Variants in GPR161 observed in about 807,000 individuals in gnomAD.
The protein encoded by GPR161 is G-protein coupled receptor RE2.
GPR161 carries 25 observed loss-of-function variants against 39.2 expected under a neutral mutation model. The ratio of observed to expected loss-of-function variants is 0.64; its 90% CI spans 0.47 to 0.89. The LOEUF (loss-of-function observed/expected upper bound fraction) is 0.89. Among genes scored for constraint, GPR161 ranks in the 40% least tolerant of loss-of-function variants. GPR161 has a pLI of 0.00. For synonymous variants in GPR161, 286 were observed against 276.6 expected, an observed-to-expected ratio of 1.03 and a Z score of -0.34; for missense variants, 547 against 677.8, an observed-to-expected ratio of 0.81 and a Z score of 2.14.
chr1:168,090,442 CA>C, intron 4 of GPR161, 121 bp downstream of exon 4: 42 of 564,708 alleles, frequency 7.4e-5, no homozygotes, highest in Middle Eastern at 2.8e-4. Context: ...TCTCACCCCC[CA>C]CCCACCGTGG....
At chr1:168,093,345 C>G (rs1695240097) in intron 3 of GPR161, among the ~76,000 whole-genome samples, 1 of 152,146 alleles carries the variant, frequency 6.6e-6, no homozygotes, top group African/African-American at 2.4e-5. Context: ...TACTTCCTCA[C>G]TTTGGGACAA....
chr1:168,086,975 C>A (rs1405310150), intron 5 of GPR161, among the ~76,000 whole-genome samples: 1 of 152,168 alleles, frequency 6.6e-6, no homozygotes, highest in African/African-American at 2.4e-5. Flanking sequence ...AATCCACAGC[C>A]CAGTCATATT....
At chr1:168,125,546 C>A (rs1698521704) in intron 1 of GPR161, among the ~76,000 whole-genome samples, 1 of 152,058 alleles carries the variant, frequency 6.6e-6, no homozygotes, top group African/African-American at 2.4e-5. Context: ...TTTGAAGAGA[C>A]CGTAGGTGTC....
At chr1:168,135,066 C>A in intron 1 of GPR161, 1 of 1,484,576 alleles carries the variant, frequency 6.7e-7, no homozygotes, top group Non-Finnish European at 9.0e-7. Context: ...GTTCGGATAT[C>A]GTTGCGGCCT....
At position 168,104,526 on chromosome 1, in the gene GPR161, G is replaced by A; in HGVS notation, c.325C>T (p.Leu109=). 1 of 1,614,116 alleles carries A rather than the reference G, an allele frequency of 6.2e-7. No homozygotes were observed. The highest frequency in any genetic ancestry group is 8.5e-7 in the Non-Finnish European group (1 of 1,179,970). The change falls in exon 2 of 6, where the codon CTG becomes TTG. Residue 109 remains leucine, a synonymous_variant. Coordinates refer to ENST00000682931, the MANE Select transcript of GPR161 (RefSeq NM_001375883.1). ...GTTAGCATGCTGGCAGAGCTGATCA[G>A]CAGGTAGAGGAGGGCAGAGAAGTTG... ...WCNFSALLYL[L]ISSASMLTLG...
At chr1:168,121,435 G>A (rs538782353) in intron 1 of GPR161, among the ~76,000 whole-genome samples, 309 of 152,208 alleles carry the variant, frequency 2.0e-3, no homozygotes, top group Admixed American at 4.4e-3. Flanking sequence ...TTTTTAAAAG[G>A]GCAGCTGGCC....
At chr1:168,124,402 C>T (rs142699736) in intron 1 of GPR161, among the ~76,000 whole-genome samples, 124 of 152,266 alleles carry the variant, frequency 8.1e-4, no homozygotes, top group Admixed American at 2.5e-3. Flanking sequence ...AAGCAAAATT[C>T]ATGAAAATCT....
chr1:168,115,516 A>C (rs957392896), intron 1 of GPR161, among the ~76,000 whole-genome samples: 3 of 152,090 alleles, frequency 2.0e-5, no homozygotes, highest in Non-Finnish European at 4.4e-5. Flanking sequence ...CTTCACCCCC[A>C]GAGTGTGCCC....
Position 168,104,690 on chromosome 1 carries a change from T to C in GPR161, c.161A>G (p.Lys54Arg). 1 of 1,613,908 alleles carries C rather than the reference T, an allele frequency of 6.2e-7. No individual in the cohort carries two copies. The highest frequency in any genetic ancestry group is 8.5e-7 in the Non-Finnish European group (1 of 1,179,820). ...GCTGAGGGTGAGGAGGTAGGACTTC[T>C]TGTACAAGGTGACCACGATGACCAG... ...GNLVIVVTLYKKSYLLTLSNK... is the reference protein window; with the variant it reads ...GNLVIVVTLYRKSYLLTLSNK... Residue 54 changes from lysine (K) to arginine (R), a missense_variant, in exon 2 of 6, where the codon AAG (lysine) becomes AGG (arginine). By Grantham distance (26) the Lys-to-Arg change is conservative (BLOSUM62 2). Transcript: ENST00000682931.
At chr1:168,128,122 T>C (rs1265896429) in intron 1 of GPR161, among the ~76,000 whole-genome samples, 2 of 152,222 alleles carry the variant, frequency 1.3e-5, no homozygotes, top group Admixed American at 6.5e-5. Flanking sequence ...TGATATTCCA[T>C]GCTTCCTTTG....
intron 1 of GPR161, among the ~76,000 whole-genome samples, chr1:168,105,106 T>C (rs551587012): frequency 3.9e-5 from 6 of 152,250 alleles, no homozygotes; most frequent in Admixed American, 2.0e-4. Flanking sequence ...CCCTGACCAA[T>C]TTCTTCCTCT....
chr1:168,090,907 A>G (rs993158846), intron 3 of GPR161, among the ~76,000 whole-genome samples: 1 of 152,224 alleles, frequency 6.6e-6, no homozygotes, highest in African/African-American at 2.4e-5. Flanking sequence ...GACAATGTCA[A>G]CCACCACCAA....
At chr1:168,109,319 A>G (rs1696915643) in intron 1 of GPR161, among the ~76,000 whole-genome samples, 1 of 152,228 alleles carries the variant, frequency 6.6e-6, no homozygotes, top group Non-Finnish European at 1.5e-5. Context: ...GTCAAACTTG[A>G]AAAAAGAAAG....
intron 1 of GPR161, chr1:168,134,865 T>C (rs1345998351): frequency 1.3e-6 from 2 of 1,521,536 alleles, no homozygotes; most frequent in Admixed American, 2.0e-5. Flanking sequence ...GCTTCCTGAC[T>C]GGTCCCTGCT....
rs183206715 is a variant in GPR161 at position 168,108,415 on chromosome 1, C to T, written c.-44-3521G>A. 4.7e-3 allele frequency among the ~76,000 whole-genome samples: 597 copies of T among 126,668 alleles called. 4 individuals are homozygous for T. The highest frequency in any genetic ancestry group is 0.013 in the Middle Eastern group (2 of 156). 83.1% of individuals were successfully genotyped at this position (126,668 alleles called of 152,430 possible). On this transcript the variant is annotated intron_variant, in intron 1 of 5. Coordinates refer to ENST00000682931, the MANE Select transcript of GPR161 (RefSeq NM_001375883.1). Reference sequence around the variant, plus strand: ...AGCAACTCCATATCTAAGCATCTACCCTGAAGATACAAATTCACAATACGA... The same window carrying T: ...AGCAACTCCATATCTAAGCATCTACTCTGAAGATACAAATTCACAATACGA...
chr1:168,092,211 G>A (rs574065571), intron 3 of GPR161, among the ~76,000 whole-genome samples: 3 of 152,298 alleles, frequency 2.0e-5, no homozygotes, highest in South Asian at 2.1e-4. Context: ...CCAAGGTCTC[G>A]GCCTGAGAAC....
intron 1 of GPR161, among the ~76,000 whole-genome samples, chr1:168,125,895 C>T (rs954627876): frequency 4.6e-5 from 7 of 152,150 alleles, no homozygotes; most frequent in Non-Finnish European, 1.0e-4. Context: ...GGATTACAGG[C>T]GTGAGCCACC....
intron 1 of GPR161, chr1:168,134,782 C>T: frequency 1.3e-6 from 1 of 791,472 alleles, no homozygotes; most frequent in Non-Finnish European, 2.1e-6. Flanking sequence ...TGCAGCTGCC[C>T]CCTTACTGGA....
chr1:168,133,540 G>A (rs1400064851), intron 1 of GPR161, among the ~76,000 whole-genome samples: 4 of 152,182 alleles, frequency 2.6e-5, no homozygotes. Flanking sequence ...GAAGTACAAT[G>A]TATCTGTTAT....
Sources: allele counts gnomAD v4.1 joint callset (sites outside exome capture counted in the v4.1 genomes callset), GRCh38; gene constraint gnomAD v4.1.1; transcripts MANE v1.5; gene names NCBI Gene and HGNC (gene_info 2026-07-23, HGNC 2026-07-21).